Variants in LRRTM4 observed in about 807,000 individuals in gnomAD.
LRRTM4 encodes leucine-rich repeat transmembrane neuronal protein 4.
In LRRTM4, 25 loss-of-function variants were observed where a neutral mutation model predicts 47.6. The observed-to-expected ratio is 0.53, with a 90% CI of 0.38 to 0.73. The LOEUF (loss-of-function observed/expected upper bound fraction) is 0.73. Ranked by LOEUF, LRRTM4 falls within the 30% of genes least tolerant of loss-of-function variation. The pLI is 0.00. For missense variants in LRRTM4, 638 were observed against 713.4 expected, an observed-to-expected ratio of 0.89 and a Z score of 1.20; for synonymous variants, 311 against 269.5, an observed-to-expected ratio of 1.15 and a Z score of -1.51.
At chr2:77,476,961 G>A (rs1310331342) in intron 3 of LRRTM4, among the ~76,000 whole-genome samples, 1 of 117,638 alleles carries the variant, frequency 8.5e-6, no homozygotes, top group Non-Finnish European at 1.7e-5. Flanking sequence ...AAATTTGTAA[G>A]AGATGTGTGT....
chr2:77,416,187 T>C (rs915059269), intron 3 of LRRTM4, among the ~76,000 whole-genome samples: 2 of 152,124 alleles, frequency 1.3e-5, no homozygotes, highest in African/African-American at 4.8e-5. Context: ...AGAATAATAT[T>C]TCTTTAATTT....
chr2:77,500,087 C>T (rs528088387), intron 3 of LRRTM4, among the ~76,000 whole-genome samples: 1 of 151,814 alleles, frequency 6.6e-6, no homozygotes, highest in Admixed American at 6.6e-5. Flanking sequence ...AGCTGCCGGG[C>T]CACTTTACTG....
intron 3 of LRRTM4, among the ~76,000 whole-genome samples, chr2:77,325,771 C>A (rs749017453): frequency 9.2e-5 from 14 of 152,100 alleles, no homozygotes; most frequent in African/African-American, 3.4e-4. Flanking sequence ...CTTTTTTCCC[C>A]ACCTCTGCAG....
intron 3 of LRRTM4, among the ~76,000 whole-genome samples, chr2:77,323,000 T>G (rs1670593281): frequency 6.6e-6 from 1 of 151,994 alleles, no homozygotes; most frequent in Admixed American, 6.6e-5. Flanking sequence ...CATCCAACAT[T>G]TATTGTCTCT....
chr2:77,143,166 C>A (rs1300235212), intron 3 of LRRTM4, among the ~76,000 whole-genome samples: 5 of 152,086 alleles, frequency 3.3e-5, no homozygotes, highest in Admixed American at 3.3e-4. Context: ...ATTCTTATCT[C>A]CATTTTACAG....
At chr2:76,768,329 A>T (rs1013252372) in intron 3 of LRRTM4, among the ~76,000 whole-genome samples, 16 of 150,716 alleles carry the variant, frequency 1.1e-4, no homozygotes, top group African/African-American at 3.5e-4. Context: ...ACTTAATATC[A>T]AAAGCTTAGT....
At chr2:76,755,713 G>T (rs566057416) in intron 3 of LRRTM4, among the ~76,000 whole-genome samples, 2 of 152,228 alleles carry the variant, frequency 1.3e-5, no homozygotes, top group South Asian at 4.1e-4. Context: ...GAGCACTGGA[G>T]TTATAGGAAG....
intron 3 of LRRTM4, among the ~76,000 whole-genome samples, chr2:76,904,807 C>T (rs1327432852): frequency 4.6e-5 from 7 of 152,070 alleles, no homozygotes; most frequent in Admixed American, 4.6e-4. Flanking sequence ...ATAAGAATAC[C>T]TACCACAAGG....
At chr2:77,004,158 G>C (rs1016353915) in intron 3 of LRRTM4, among the ~76,000 whole-genome samples, 1 of 152,188 alleles carries the variant, frequency 6.6e-6, no homozygotes, top group African/African-American at 2.4e-5. Flanking sequence ...ATTTTCTGGG[G>C]AGAAATTCAA....
chr2:77,392,980 A>AAT (rs1280382770), intron 3 of LRRTM4, among the ~76,000 whole-genome samples: 1 of 151,982 alleles, frequency 6.6e-6, no homozygotes, highest in Non-Finnish European at 1.5e-5. Flanking sequence ...GTATGCCATA[A>AAT]ATATATATAG....
At chr2:76,840,708 G>A (rs556788723) in intron 3 of LRRTM4, among the ~76,000 whole-genome samples, 1 of 152,184 alleles carries the variant, frequency 6.6e-6, no homozygotes, top group Admixed American at 6.5e-5. Flanking sequence ...AAAAGAGAGA[G>A]AGAAAGAGAA....
intron 3 of LRRTM4, among the ~76,000 whole-genome samples, chr2:77,049,174 C>CT (rs1553377489): frequency 0.029 from 3,261 of 113,824 alleles, 236 homozygotes; most frequent in East Asian, 0.12. Context: ...ACACACACAC[C>CT]ACATTTTCTT....
intron 3 of LRRTM4, among the ~76,000 whole-genome samples, chr2:77,288,788 A>T (rs1355496535): frequency 6.6e-6 from 1 of 152,058 alleles, no homozygotes; most frequent in Non-Finnish European, 1.5e-5. Flanking sequence ...CCTGTTTCCC[A>T]ATTTCCCAGA....
intron 3 of LRRTM4, among the ~76,000 whole-genome samples, chr2:77,079,569 A>G (rs1680463076): frequency 6.6e-6 from 1 of 152,160 alleles, no homozygotes; most frequent in African/African-American, 2.4e-5. Flanking sequence ...AGTGTATTTG[A>G]TGTGTGGCCC....
chr2:76,903,862 A>G (rs540161232), intron 3 of LRRTM4, among the ~76,000 whole-genome samples: 49 of 152,206 alleles, frequency 3.2e-4, no homozygotes, highest in East Asian at 9.6e-4. Flanking sequence ...TCAATTATGT[A>G]TATTTTTTAC....
chr2:76,951,064 T>C (rs1425414908), intron 3 of LRRTM4, among the ~76,000 whole-genome samples: 2 of 151,938 alleles, frequency 1.3e-5, no homozygotes, highest in Non-Finnish European at 2.9e-5. Flanking sequence ...GCACATGTAA[T>C]TTAATGATGA....
At chr2:77,206,609 C>T (rs185211597) in intron 3 of LRRTM4, among the ~76,000 whole-genome samples, 3 of 152,004 alleles carry the variant, frequency 2.0e-5, no homozygotes, top group Admixed American at 6.6e-5. Context: ...CTCAGCCTCC[C>T]GAGTAGCTGG....
chr2:77,020,575 T>C (rs1254164587), intron 3 of LRRTM4, among the ~76,000 whole-genome samples: 1 of 151,000 alleles, frequency 6.6e-6, no homozygotes, highest in Non-Finnish European at 1.5e-5. Flanking sequence ...TGGGGCATGA[T>C]ATAAACACAA....
chr2:77,269,223 A>G (rs923720642), intron 3 of LRRTM4, among the ~76,000 whole-genome samples: 6 of 152,094 alleles, frequency 3.9e-5, no homozygotes, highest in African/African-American at 1.2e-4. Context: ...CAGCTATTAC[A>G]ATATATGATT....
Sources: gnomAD v4.1 joint callset for allele counts (sites outside exome capture counted in the v4.1 genomes callset) on GRCh38, gnomAD v4.1.1 for gene constraint, MANE v1.5 for transcripts, NCBI Gene and HGNC (gene_info 2026-07-23, HGNC 2026-07-21) for gene names.